Variants in VPS54 observed in about 807,000 individuals in gnomAD.
VPS54 encodes VPS54 subunit of GARP complex.
Under a neutral mutation model 121.5 loss-of-function variants are expected in VPS54, and 45 were observed. The ratio of observed to expected loss-of-function variants is 0.37; its 90% CI spans 0.29 to 0.47. The LOEUF (loss-of-function observed/expected upper bound fraction) is 0.47, where lower values mean the gene tolerates loss of function less well. Among genes scored for constraint, VPS54 ranks in the 20% least tolerant of loss-of-function variants. The probability of loss-of-function intolerance (pLI) is 0.99; values close to 1 mark genes in which losing one functional copy is unlikely to be tolerated. For missense variants in VPS54, 1,090 were observed against 1,131.4 expected (o/e 0.96, Z 0.52); for synonymous variants, 371 against 385.8 (o/e 0.96, Z 0.45).
At chr2:63,894,233 TGTCAATACCTAACAATATGAAA>T (rs1248764355) in intron 22 of VPS54, among the ~76,000 whole-genome samples, 1 of 152,232 alleles carries the variant, frequency 6.6e-6, no homozygotes, top group Non-Finnish European at 1.5e-5. Context: ...GTACAGCCAC[TGTCAATACCTAACAATATGAAA>T]AGTGTATTAG....
At chr2:63,979,076 T>G (rs974981415) in intron 3 of VPS54, among the ~76,000 whole-genome samples, 2 of 152,196 alleles carry the variant, frequency 1.3e-5, no homozygotes, top group Non-Finnish European at 2.9e-5. Context: ...ATATCACCTT[T>G]CTTATTCTTG....
rs111770155 is a variant in VPS54 at position 63,972,934 on chromosome 2, T to TA, written c.379-691dup. Among the ~76,000 whole-genome samples the TA allele has an allele frequency of 5.7e-3, 803 of 140,062 alleles. 7 individuals are homozygous for TA. The highest frequency in any genetic ancestry group is 0.013 in the African/African-American group (507 of 38,390). 91.9% of individuals were successfully genotyped at this position (140,062 alleles called of 152,430 possible). ...AAATTAGTTATTGACACGTTCTGAG[T>TA]AAAAAAAAAAAAAATCTCACTCTGA... On this transcript the variant is annotated intron_variant, in intron 3 of 22. Coordinates refer to ENST00000272322, the MANE Select transcript of VPS54 (RefSeq NM_016516.3).
At chr2:63,977,747 G>A (rs139613111) in intron 3 of VPS54, among the ~76,000 whole-genome samples, 1,591 of 152,252 alleles carry the variant, frequency 0.01, 9 homozygotes, top group Non-Finnish European at 0.018. Context: ...TTTTCTGTCT[G>A]GTATGCACTG....
intron 1 of VPS54, among the ~76,000 whole-genome samples, chr2:64,003,801 A>G (rs1379222683): frequency 6.6e-6 from 1 of 152,212 alleles, no homozygotes; most frequent in Non-Finnish European, 1.5e-5. Flanking sequence ...GTTCAGTTAA[A>G]AACTTCTTTT....
At position 63,972,260 on chromosome 2, in the gene VPS54, A is replaced by G; in HGVS notation, c.379-16T>C. ...TCTTCTCTCTCTAATAAAAAGACAA[A>G]TAACATCATCAATGTATGTGTAAAC... On this transcript the variant is annotated splice_polypyrimidine_tract_variant and intron_variant, in intron 3 of 22. Coordinates refer to ENST00000272322, the MANE Select transcript of VPS54 (RefSeq NM_016516.3). The G allele has an allele frequency of 1.9e-6, 3 of 1,553,802 alleles. No homozygotes were observed. The highest frequency in any genetic ancestry group is 1.7e-5 in the Admixed American group (1 of 58,554).
At chr2:63,953,379 C>T (rs548181347) in intron 7 of VPS54, among the ~76,000 whole-genome samples, 2 of 152,206 alleles carry the variant, frequency 1.3e-5, no homozygotes, top group Admixed American at 6.5e-5. Context: ...GTGGTCCACC[C>T]GCCTTGGCCT....
chr2:63,899,095 T>C (rs1015756778), intron 21 of VPS54, among the ~76,000 whole-genome samples: 1 of 152,214 alleles, frequency 6.6e-6, no homozygotes, highest in African/African-American at 2.4e-5. Context: ...TCACTAATTC[T>C]TTCCATATCC....
chr2:64,017,021 TAAAAAAAAAAA>T (rs777168254), intron 1 of VPS54, among the ~76,000 whole-genome samples: 8 of 100,384 alleles, frequency 8.0e-5, no homozygotes, highest in African/African-American at 2.2e-4. Flanking sequence ...TTTTGTTGAT[TAAAAAAAAAAA>T]AAAAAAAAAA....
intron 3 of VPS54, among the ~76,000 whole-genome samples, chr2:63,979,374 G>C (rs1270773786): frequency 6.6e-6 from 1 of 151,710 alleles, no homozygotes; most frequent in Non-Finnish European, 1.5e-5. Context: ...TGAGTAGCTG[G>C]GATTACAGGC....
Position 63,892,919 on chromosome 2 carries a change from G to A in VPS54, c.*511C>T, listed in dbSNP as rs1450474122. 2.0e-5 allele frequency: 3 copies of A among 153,502 alleles called. No individual in the cohort carries two copies. 9.5% of individuals were successfully genotyped at this position (153,502 alleles called of 1,614,324 possible). A position where few individuals can be genotyped will look rare whatever the true frequency, so the allele number is the denominator to read the frequency against. On this transcript the variant is annotated 3_prime_UTR_variant, in exon 23 of 23. Transcript: ENST00000272322. ...TCCTAAATCCAAGCAATCAAAAGATGTTTATTTTTTATAGAAAGATCTGTA... is the reference window on the plus strand; with the variant it reads ...TCCTAAATCCAAGCAATCAAAAGATATTTATTTTTTATAGAAAGATCTGTA...
intron 20 of VPS54, among the ~76,000 whole-genome samples, chr2:63,908,304 T>C (rs755922251): frequency 6.6e-6 from 1 of 152,016 alleles, no homozygotes; most frequent in Non-Finnish European, 1.5e-5. Context: ...TTAAATGAAG[T>C]GTGGCACAGT....
intron 15 of VPS54, among the ~76,000 whole-genome samples, chr2:63,919,393 C>T (rs1408489129): frequency 3.3e-5 from 5 of 152,070 alleles, no homozygotes; most frequent in Non-Finnish European, 4.4e-5. Context: ...AGCAGAAATA[C>T]AGCTGTTATC....
At chr2:63,992,235 G>T (rs1677358748) in intron 1 of VPS54, among the ~76,000 whole-genome samples, 1 of 152,214 alleles carries the variant, frequency 6.6e-6, no homozygotes, top group African/African-American at 2.4e-5. Flanking sequence ...CAGCGAAAAG[G>T]CCGCTTATTG....
intron 12 of VPS54, among the ~76,000 whole-genome samples, chr2:63,923,306 GA>G (rs1026696996): frequency 2.2e-4 from 30 of 138,710 alleles, no homozygotes; most frequent in Admixed American, 5.7e-4. Flanking sequence ...AAGGAGTGAG[GA>G]AAAAAAAAAA....
At chr2:63,940,772 G>T (rs900523056) in intron 11 of VPS54, among the ~76,000 whole-genome samples, 1 of 152,204 alleles carries the variant, frequency 6.6e-6, no homozygotes, top group East Asian at 1.9e-4. Flanking sequence ...ACTATGCAAT[G>T]TAAGAGTTCT....
rs1364435043 is a variant in VPS54, at chr2:63,895,457, A to G, written c.2829-1922T>C. On this transcript the variant is annotated intron_variant, in intron 22 of 22. Coordinates refer to ENST00000272322, the MANE Select transcript of VPS54 (RefSeq NM_016516.3). ...TGACAGAGTGATACTCCATCTCAAA[A>G]TAAAATCAAAGTACAGGGCTGGGGA... Among the ~76,000 whole-genome samples, 17 of 152,332 alleles carry G rather than the reference A, an allele frequency of 1.1e-4. No individual in the cohort carries two copies. In the East Asian group the frequency reaches 2.7e-3, roughly 24 times the overall value.
At chr2:63,979,262 CGG>C (rs1413303651) in intron 3 of VPS54, among the ~76,000 whole-genome samples, 2 of 140,142 alleles carry the variant, frequency 1.4e-5, no homozygotes, top group African/African-American at 2.7e-5. Context: ...TTTTTGGAGA[CGG>C]AGTCTCGCTC....
intron 7 of VPS54, among the ~76,000 whole-genome samples, chr2:63,950,539 C>A (rs1675191714): frequency 6.6e-6 from 1 of 152,244 alleles, no homozygotes; most frequent in African/African-American, 2.4e-5. Context: ...AGAGACAAAG[C>A]ATTAATGGCA....
rs189310736 is a variant in VPS54 at position 63,986,807 on chromosome 2, T to C, written c.-20-2788A>G. On this transcript the variant is annotated intron_variant, in intron 1 of 22. Coordinates refer to ENST00000272322, the MANE Select transcript of VPS54 (RefSeq NM_016516.3). ...ATTTTAACTGGGGTGAGATAGCTCA[T>C]TGTACTTCTGATTTGCATTCCTCTG... Among the ~76,000 whole-genome samples the C allele has an allele frequency of 1.9e-3, 290 of 152,336 alleles. 3 individuals carry two copies. The highest frequency in any genetic ancestry group is 3.9e-3 in the Admixed American group (60 of 15,304).
Sources: allele counts gnomAD v4.1 joint callset (sites outside exome capture counted in the v4.1 genomes callset), GRCh38; gene constraint gnomAD v4.1.1; transcripts MANE v1.5; gene names NCBI Gene and HGNC (gene_info 2026-07-23, HGNC 2026-07-21).